The following FSHR variants were observed in gnomAD, a reference collection of about 807,000 sequenced individuals.
FSHR encodes the protein follicle stimulating hormone receptor, also known as follicle-stimulating hormone receptor.
In FSHR, 46 loss-of-function variants were observed where a neutral mutation model predicts 52.1. That is an observed-to-expected ratio of 0.88 (90% confidence interval 0.70 to 1.13). The LOEUF (loss-of-function observed/expected upper bound fraction) is 1.13. Ranked by LOEUF, FSHR falls within the 50% of genes most tolerant of loss-of-function variation. FSHR has a pLI of 0.00. For missense variants in FSHR, 964 were observed against 834.6 expected (o/e 1.16, Z -1.91); for synonymous variants, 399 against 309.6 (o/e 1.29, Z -3.03).
chr2:49,125,584 C>T (rs561208245), intron 1 of FSHR, among the ~76,000 whole-genome samples: 55 of 152,318 alleles, frequency 3.6e-4, no homozygotes, highest in Admixed American at 5.9e-4. Context: ...AGCACTGTCT[C>T]GCACACAGTA....
At chr2:49,055,362 A>G (rs913841427) in intron 2 of FSHR, among the ~76,000 whole-genome samples, 1 of 151,526 alleles carries the variant, frequency 6.6e-6, no homozygotes, top group Non-Finnish European at 1.5e-5. Context: ...AAAATAATGA[A>G]GAAAGTCTAC....
At chr2:49,051,039 T>A (rs941265712) in intron 2 of FSHR, among the ~76,000 whole-genome samples, 1 of 152,186 alleles carries the variant, frequency 6.6e-6, no homozygotes, top group African/African-American at 2.4e-5. Flanking sequence ...TTGAGAGATT[T>A]ATCCATGTTG....
intron 1 of FSHR, among the ~76,000 whole-genome samples, chr2:49,140,399 C>G (rs183385784): frequency 2.4e-4 from 36 of 152,190 alleles, no homozygotes; most frequent in Non-Finnish European, 3.8e-4. Flanking sequence ...GTAAAAGCTC[C>G]CTGAGGTCTC....
chr2:49,143,452 T>A (rs1672760675), intron 1 of FSHR, among the ~76,000 whole-genome samples: 1 of 152,114 alleles, frequency 6.6e-6, no homozygotes, highest in Admixed American at 6.6e-5. Flanking sequence ...AGAGAAATTT[T>A]TTGGTACCTG....
In FSHR at chr2:49,087,189, T is replaced by G. The variant is rs1670432897; in HGVS notation, c.153-18899A>C. On this transcript the variant is annotated intron_variant, in intron 1 of 9. Transcript: ENST00000406846. ...ACAAATAAACAGGATATATACACTT[T>G]CCATTGGAGATCCTCTTCTTTGTTC... Among the ~76,000 whole-genome samples, 4 of 150,010 alleles carry G rather than the reference T, an allele frequency of 2.7e-5. No homozygotes were observed. In the Admixed American group the frequency reaches 2.7e-4, roughly 10 times the overall value.
In FSHR at chr2:48,963,010, A is replaced by C; in HGVS notation, c.1811T>G (p.Val604Gly). The change falls in exon 10 of 10, where the codon GTG becomes GGG. Residue 604 changes from valine to glycine, a missense_variant. By Grantham distance (109) the Val-to-Gly change is moderately radical. Coordinates refer to ENST00000406846, the MANE Select transcript of FSHR (RefSeq NM_000145.4). ...AACCAGCAGAATCTTTGCTTTGGACACAGTGATGAGGGGCACCTTGAGGGA... is the reference window on the plus strand; with the variant it reads ...AACCAGCAGAATCTTTGCTTTGGACCCAGTGATGAGGGGCACCTTGAGGGA... ...SASLKVPLIT[V>G]SKAKILLVLF... 6.2e-7 allele frequency: 1 copy of C among 1,614,168 alleles called. No individual in the cohort carries two copies.
chr2:48,997,801 G>T (rs2104131146), intron 4 of FSHR, among the ~76,000 whole-genome samples: 1 of 152,180 alleles, frequency 6.6e-6, no homozygotes. Context: ...GTGCTCAAAT[G>T]CTGTTTCCTT....
At chr2:48,988,606 G>A (rs113620081) in intron 6 of FSHR, among the ~76,000 whole-genome samples, 7 of 152,330 alleles carry the variant, frequency 4.6e-5, no homozygotes, top group Non-Finnish European at 8.8e-5. Context: ...TGAGGGAATC[G>A]CCATATCTTC....
intron 1 of FSHR, among the ~76,000 whole-genome samples, chr2:49,082,959 G>C (rs1271565009): frequency 2.0e-5 from 3 of 151,930 alleles, no homozygotes; most frequent in Non-Finnish European, 2.9e-5. Flanking sequence ...AATCGAGCAA[G>C]GCAGGCCAAC....
intron 1 of FSHR, among the ~76,000 whole-genome samples, chr2:49,102,758 C>A (rs542226832): frequency 7.2e-5 from 11 of 151,850 alleles, no homozygotes; most frequent in Admixed American, 7.2e-4. Context: ...GAGTTGTATC[C>A]GAAATAATAA....
chr2:49,140,314 C>T (rs1285024717), intron 1 of FSHR, among the ~76,000 whole-genome samples: 1 of 151,660 alleles, frequency 6.6e-6, no homozygotes, highest in African/African-American at 2.4e-5. Context: ...CCCCGCACCA[C>T]CCCCCACCCA....
chr2:49,026,066 T>G (rs1006329434), intron 2 of FSHR, among the ~76,000 whole-genome samples: 3 of 152,190 alleles, frequency 2.0e-5, no homozygotes, highest in African/African-American at 7.2e-5. Context: ...CCTGAGATGG[T>G]CTTGTCTTCC....
intron 1 of FSHR, among the ~76,000 whole-genome samples, chr2:49,098,783 T>G (rs1479809926): frequency 6.8e-6 from 1 of 147,110 alleles, no homozygotes; most frequent in African/African-American, 2.5e-5. Context: ...TATTATATAC[T>G]TATAATAATA....
chr2:49,095,875 A>G (rs909170007), intron 1 of FSHR, among the ~76,000 whole-genome samples: 3 of 152,198 alleles, frequency 2.0e-5, no homozygotes, highest in African/African-American at 7.2e-5. Flanking sequence ...GCTCAATATC[A>G]TTAGTCATTA....
chr2:49,105,469 C>T (rs1304025207), intron 1 of FSHR, among the ~76,000 whole-genome samples: 1 of 151,944 alleles, frequency 6.6e-6, no homozygotes, highest in East Asian at 1.9e-4. Flanking sequence ...TCAGGCCCCT[C>T]CCCTTTTGTG....
chr2:49,087,528 A>G (rs989512885), intron 1 of FSHR, among the ~76,000 whole-genome samples: 1 of 152,242 alleles, frequency 6.6e-6, no homozygotes, highest in African/African-American at 2.4e-5. Context: ...TAATTAGCTT[A>G]TGTTCTAGCC....
chr2:49,112,997 C>T (rs1279244716), intron 1 of FSHR, among the ~76,000 whole-genome samples: 1 of 152,028 alleles, frequency 6.6e-6, no homozygotes, highest in Admixed American at 6.6e-5. Context: ...AGAAAAGCCT[C>T]CATGAGTGTG....
intron 8 of FSHR, among the ~76,000 whole-genome samples, chr2:48,970,523 CTCTTT>C (rs79689481): frequency 0.091 from 13,844 of 152,116 alleles, 804 homozygotes; most frequent in East Asian, 0.24. Flanking sequence ...TGTTTTACTT[CTCTTT>C]TATCTGTTCT....
chr2:49,068,929 CT>C (rs1211842070), intron 1 of FSHR, among the ~76,000 whole-genome samples: 8 of 152,056 alleles, frequency 5.3e-5, no homozygotes, highest in Admixed American at 3.3e-4. Context: ...TTTCATTCAC[CT>C]TTTTCCCCTT....
Sources: allele counts gnomAD v4.1 joint callset (sites outside exome capture counted in the v4.1 genomes callset), GRCh38; gene constraint gnomAD v4.1.1; transcripts MANE v1.5; gene names NCBI Gene and HGNC (gene_info 2026-07-23, HGNC 2026-07-21).